The following MYLK variants were observed in gnomAD, a reference collection of about 807,000 sequenced individuals.
MYLK encodes the protein myosin light chain kinase, also known as myosin light chain kinase, smooth muscle.
A neutral mutation model predicts 203.4 loss-of-function variants in MYLK; 106 were observed. That is an observed-to-expected ratio of 0.52 (90% CI 0.45 to 0.61). MYLK has a LOEUF of 0.61. MYLK is among the 20% of genes least tolerant of loss of function. The pLI is 0.00. For missense variants in MYLK, 2,072 were observed against 2,442.3 expected, an observed-to-expected ratio of 0.85 and a Z score of 3.20; for synonymous variants, 867 against 959.5, an observed-to-expected ratio of 0.90 and a Z score of 1.78.
intron 31 of MYLK, among the ~76,000 whole-genome samples, chr3:123,625,923 C>A (rs2058126552): frequency 6.6e-6 from 1 of 152,134 alleles, no homozygotes; most frequent in Non-Finnish European, 1.5e-5. Context: ...TTTATCCACC[C>A]ATGCCTTTTA....
chr3:123,700,825 C>T lies in MYLK; in HGVS notation c.2643G>A (p.Gln881=), dbSNP rs765727285. ...GCTGGCGGATCGCCTCCTCAGTGTG[C>T]TGCCTCGTCTCCACGCGCCTCTTCA... The part of the protein sequence containing the change: ...GVLKRRVETR[Q]HTEEAIRQQE... The change falls in exon 18 of 34, where the codon CAG becomes CAA. Residue 881 remains glutamine, a synonymous_variant. Coordinates refer to ENST00000360304, the MANE Select transcript of MYLK (RefSeq NM_053025.4). 1.9e-6 allele frequency: 3 copies of T among 1,614,146 alleles called. No homozygotes were observed. The East Asian group carries it at 6.7e-5, about 36-fold the overall frequency.
At chr3:123,768,831 C>A (rs2063785608) in intron 4 of MYLK, among the ~76,000 whole-genome samples, 1 of 152,156 alleles carries the variant, frequency 6.6e-6, no homozygotes, top group African/African-American at 2.4e-5. Context: ...GGATAGGGGC[C>A]TTAGAAATAT....
chr3:123,867,309 C>T (rs2032398330), intron 2 of MYLK, among the ~76,000 whole-genome samples: 1 of 151,752 alleles, frequency 6.6e-6, no homozygotes, highest in South Asian at 2.1e-4. Context: ...AAGTCCTAAC[C>T]TCTGGTACCT....
At chr3:123,685,319 G>A (rs946457194) in intron 19 of MYLK, among the ~76,000 whole-genome samples, 24 of 152,322 alleles carry the variant, frequency 1.6e-4, no homozygotes, top group African/African-American at 5.1e-4. Context: ...TCAGCCCAGC[G>A]TGGTGGCTCA....
chr3:123,621,313 C>T (rs1330197035), intron 31 of MYLK: 1 of 152,140 alleles, frequency 6.6e-6, no homozygotes, highest in Non-Finnish European at 1.5e-5. Flanking sequence ...CACCCCTGCA[C>T]CCAAAGCATC....
chr3:123,841,893 G>T (rs559560058), intron 2 of MYLK, among the ~76,000 whole-genome samples: 1 of 152,058 alleles, frequency 6.6e-6, no homozygotes. Context: ...AGAGACAGGG[G>T]TTAAAAAAGA....
At chr3:123,706,477 G>A (rs1397278902) in intron 16 of MYLK, among the ~76,000 whole-genome samples, 1 of 152,146 alleles carries the variant, frequency 6.6e-6, no homozygotes, top group African/African-American at 2.4e-5. Context: ...CCCGGGCCAG[G>A]ACAGGTCTAA....
At chr3:123,726,133 GC>G in intron 11 of MYLK, 55 bp from the exon 12 acceptor site, 1 of 1,608,778 alleles carries the variant, frequency 6.2e-7, no homozygotes, top group Admixed American at 1.7e-5. Flanking sequence ...CTCTGGTGAT[GC>G]CTGCAGTCAC....
At chr3:123,857,710 G>C (rs2031534272) in intron 2 of MYLK, among the ~76,000 whole-genome samples, 1 of 151,636 alleles carries the variant, frequency 6.6e-6, no homozygotes, top group Admixed American at 6.6e-5. Flanking sequence ...TGACGAGTTA[G>C]TGGGTGCAGT....
rs1253095533 is a variant in MYLK, at chr3:123,701,002, C to T, written c.2466G>A (p.Gly822=). Residue 822 remains glycine, a synonymous_variant, in exon 18 of 34, where the codon GGG becomes GGA. Transcript: ENST00000360304. ...GGTCCTCGCAGCTGGCAGGCTCCCTCCCCCTGCAACCAGTGTAGGGAAAAA... is the reference window on the plus strand; with the variant it reads ...GGTCCTCGCAGCTGGCAGGCTCCCTTCCCCTGCAACCAGTGTAGGGAAAAA... The part of the protein sequence containing the change: ...QNSSARALPR[G]REPASCEDLC... 1.9e-6 allele frequency: 3 copies of T among 1,603,348 alleles called. No individual in the cohort carries two copies.
At chr3:123,837,023 C>T (rs146423224) in intron 2 of MYLK, among the ~76,000 whole-genome samples, 2,032 of 152,236 alleles carry the variant, frequency 0.013, 29 homozygotes, top group Non-Finnish European at 0.019. Context: ...CTTCCACCAG[C>T]TTCAGTTATA....
intron 31 of MYLK, among the ~76,000 whole-genome samples, chr3:123,625,680 C>T (rs376362682): frequency 2.0e-4 from 30 of 151,130 alleles, no homozygotes; most frequent in Admixed American, 4.0e-4. Context: ...TGGTGGTGGG[C>T]GCCTGTAATC....
chr3:123,703,869 A>AAC (rs1356596546), intron 16 of MYLK, among the ~76,000 whole-genome samples: 1 of 152,212 alleles, frequency 6.6e-6, no homozygotes, highest in African/African-American at 2.4e-5. Flanking sequence ...TCACCAGTAG[A>AAC]ACACAGCCCA....
intron 4 of MYLK, among the ~76,000 whole-genome samples, chr3:123,760,405 C>T (rs758008578): frequency 2.6e-5 from 4 of 152,108 alleles, no homozygotes; most frequent in Non-Finnish European, 5.9e-5. Flanking sequence ...CTTGAACTCC[C>T]GACCTAAGGT....
chr3:123,777,759 A>G (rs1033648879), intron 4 of MYLK, among the ~76,000 whole-genome samples: 1 of 152,182 alleles, frequency 6.6e-6, no homozygotes, highest in African/African-American at 2.4e-5. Flanking sequence ...TCTCCAGTCT[A>G]CTGCCCAAAA....
intron 4 of MYLK, among the ~76,000 whole-genome samples, chr3:123,767,344 T>C (rs2063738686): frequency 1.3e-5 from 2 of 152,346 alleles, no homozygotes; most frequent in African/African-American, 4.8e-5. Flanking sequence ...TGGTGGCTCA[T>C]GCCTGTAATT....
chr3:123,631,880 T>C (rs1356575774), intron 29 of MYLK, among the ~76,000 whole-genome samples: 5 of 151,480 alleles, frequency 3.3e-5, no homozygotes, highest in Non-Finnish European at 7.4e-5. Context: ...TTTCTTTTTT[T>C]TTTTTTTGAG....
chr3:123,746,473 C>A lies in MYLK; in HGVS notation c.373+5858G>T, dbSNP rs911647810. On this transcript the variant is annotated intron_variant, in intron 5 of 33. Transcript: ENST00000360304. ...TCAGTAGCAAAAATCTAAGTTAGGC[C>A]AGCAAGGGCAACCTGTGTGTATTTT... 5.9e-5 allele frequency among the ~76,000 whole-genome samples: 9 copies of A among 151,854 alleles called. No individual in the cohort carries two copies. In the East Asian group the frequency reaches 7.7e-4, roughly 13 times the overall value.
At chr3:123,678,867 G>A (rs1426845247) in intron 20 of MYLK, among the ~76,000 whole-genome samples, 1 of 152,108 alleles carries the variant, frequency 6.6e-6, no homozygotes, top group East Asian at 1.9e-4. Context: ...GTAGAATTGG[G>A]GTGAGATGAA....
Sources: gnomAD v4.1 joint callset for allele counts (sites outside exome capture counted in the v4.1 genomes callset) on GRCh38, gnomAD v4.1.1 for gene constraint, MANE v1.5 for transcripts, NCBI Gene and HGNC (gene_info 2026-07-23, HGNC 2026-07-21) for gene names.